The following UBE3D variants were observed in gnomAD, a reference collection of about 807,000 sequenced individuals.
UBE3D encodes ubiquitin protein ligase E3D.
Under a neutral mutation model 49.6 loss-of-function variants are expected in UBE3D, and 48 were observed. The observed-to-expected ratio is 0.97, with a 90% confidence interval of 0.77 to 1.23. The LOEUF (loss-of-function observed/expected upper bound fraction) is 1.23. Among genes scored for constraint, UBE3D ranks in the 50% most tolerant of loss-of-function variants. The pLI is 0.00. For synonymous variants in UBE3D, 189 were observed against 174.2 expected (o/e 1.08, Z -0.67); for missense variants, 452 against 468.4 (o/e 0.96, Z 0.32).
At chr6:83,035,048 G>T (rs1004658807) in intron 5 of UBE3D, among the ~76,000 whole-genome samples, 1 of 151,854 alleles carries the variant, frequency 6.6e-6, no homozygotes, top group African/African-American at 2.4e-5. Context: ...AGACATGGTG[G>T]TATGCACCTG....
intron 4 of UBE3D, among the ~76,000 whole-genome samples, chr6:83,043,864 C>T (rs1371348030): frequency 6.6e-6 from 1 of 152,082 alleles, no homozygotes; most frequent in Non-Finnish European, 1.5e-5. Context: ...TGCCTTCTTC[C>T]CAAAGCAACT....
At chr6:82,923,231 A>G (rs1247653952) in intron 9 of UBE3D, among the ~76,000 whole-genome samples, 1 of 152,242 alleles carries the variant, frequency 6.6e-6, no homozygotes, top group Non-Finnish European at 1.5e-5. Flanking sequence ...AGGATTATAA[A>G]TCATGTTACT....
chr6:83,015,886 G>C (rs1396358744), intron 8 of UBE3D, among the ~76,000 whole-genome samples: 1 of 152,168 alleles, frequency 6.6e-6, no homozygotes, highest in East Asian at 1.9e-4. Context: ...CCACTACTGG[G>C]GGTAGGGAAG....
Position 83,023,987 on chromosome 6 carries a change from C to A in UBE3D, c.719G>T (p.Ser240Ile), listed in dbSNP as rs781097512. ...TEIIIQSSERSFPIIPRSWFV... is the reference protein window; with the variant it reads ...TEIIIQSSERIFPIIPRSWFV... ...TTTGTACCTTGGTATGATAGGAAAA[C>A]TCCTCTCAGATGACTGAATAATTAT... The change falls in exon 6 of 10, where the codon AGT (serine) becomes ATT (isoleucine). Residue 240 changes from serine to isoleucine, a missense_variant. By Grantham distance (142) the Ser-to-Ile change is moderately radical. Transcript: ENST00000369747. 6 of 1,534,246 alleles carry A rather than the reference C, an allele frequency of 3.9e-6. No individual in the cohort carries two copies. In the South Asian group the frequency reaches 8.0e-5, roughly 20 times the overall value.
rs767386438 is a variant in UBE3D at position 83,044,497 on chromosome 6, C to T, written c.528G>A (p.Leu176=). The T allele has an allele frequency of 3.7e-6, 6 of 1,614,106 alleles. No individual in the cohort carries two copies. Among genetic ancestry groups the T allele is most frequent in the Middle Eastern group, 1.6e-4 (1 of 6,062 alleles). The change falls in exon 4 of 10, where the codon TTG becomes TTA. Residue 176 remains leucine, a synonymous_variant. Coordinates refer to ENST00000369747, the MANE Select transcript of UBE3D (RefSeq NM_198920.3). ...SFFLVNLRTS[L]WQQRPELSPV... ...GGGATAGTTCAGGTCTTTGCTGCCA[C>T]AAACTGGTTCTTAAATTCACCAAGA...
chr6:83,011,934 A>C (rs1308459164), intron 8 of UBE3D, among the ~76,000 whole-genome samples: 1 of 152,126 alleles, frequency 6.6e-6, no homozygotes, highest in Non-Finnish European at 1.5e-5. Context: ...TTGGATGCTG[A>C]TTCAGAGCAT....
At chr6:82,975,540 A>G (rs1015728253) in intron 8 of UBE3D, among the ~76,000 whole-genome samples, 2 of 152,190 alleles carry the variant, frequency 1.3e-5, no homozygotes, top group Non-Finnish European at 2.9e-5. Context: ...ATAGCTTACA[A>G]GAAATATATA....
At chr6:82,891,055 GA>G (rs905704128), downstream of UBE3D, among the ~76,000 whole-genome samples, 5 of 150,154 alleles carry the variant, frequency 3.3e-5, no homozygotes, top group South Asian at 8.4e-4. Context: ...ATTCATTTGT[GA>G]AAAAAAAATA....
downstream of UBE3D, among the ~76,000 whole-genome samples, chr6:82,891,706 A>G (rs1419725347): frequency 6.6e-6 from 1 of 152,204 alleles, no homozygotes; most frequent in Non-Finnish European, 1.5e-5. Context: ...ACACCCAATC[A>G]TAAAATGCCA....
rs1211669044 is a variant in UBE3D at position 82,966,033 on chromosome 6, G to A, written c.1011-8583C>T. On this transcript the variant is annotated intron_variant, in intron 8 of 9. Coordinates refer to ENST00000369747, the MANE Select transcript of UBE3D (RefSeq NM_198920.3). Reference sequence around the variant, plus strand: ...AAAAGTAACAATTCTTTCATATCAGGTCTGTAGTTAGTGCTCAAATATCCT... The same window carrying A: ...AAAAGTAACAATTCTTTCATATCAGATCTGTAGTTAGTGCTCAAATATCCT... Among the ~76,000 whole-genome samples the A allele has an allele frequency of 3.3e-5, 5 of 152,074 alleles. No individual in the cohort carries two copies. In the East Asian group the frequency reaches 9.7e-4, roughly 29 times the overall value.
intron 8 of UBE3D, among the ~76,000 whole-genome samples, chr6:82,966,672 A>C (rs1038185461): frequency 6.6e-6 from 1 of 151,228 alleles, no homozygotes; most frequent in Non-Finnish European, 1.5e-5. Flanking sequence ...AAAAAAAAAA[A>C]ACCACTGAAT....
rs532730433 is a variant in UBE3D at position 83,027,209 on chromosome 6, G to A, written c.668-3171C>T. On this transcript the variant is annotated intron_variant, in intron 5 of 9. Transcript: ENST00000369747. Reference sequence around the variant, plus strand: ...TCCCAGCACTTTGGGAGGCTGAGGCGGGAGGATCACAAGGTCAGGAGTTCA... The same window carrying A: ...TCCCAGCACTTTGGGAGGCTGAGGCAGGAGGATCACAAGGTCAGGAGTTCA... 4.0e-5 allele frequency among the ~76,000 whole-genome samples: 6 copies of A among 151,584 alleles called. No homozygotes were observed. The East Asian group carries it at 9.7e-4, about 25-fold the overall frequency.
intron 9 of UBE3D, among the ~76,000 whole-genome samples, chr6:82,946,883 T>A: frequency 6.7e-6 from 1 of 150,068 alleles, no homozygotes; most frequent in African/African-American, 2.4e-5. Flanking sequence ...TTTGCAAACC[T>A]CATGTTAACA....
At chr6:83,017,931 T>C (rs1399471096) in intron 8 of UBE3D, 2 of 152,070 alleles carry the variant, frequency 1.3e-5, no homozygotes, top group Non-Finnish European at 2.9e-5. Flanking sequence ...ATGGAAAGAA[T>C]CTCTAAGACA....
chr6:83,061,332 GTTA>G (rs745666044), intron 1 of UBE3D, among the ~76,000 whole-genome samples: 5 of 152,184 alleles, frequency 3.3e-5, no homozygotes, highest in Non-Finnish European at 1.5e-5. Context: ...GGATTCTTCT[GTTA>G]TTAGGGATAT....
chr6:82,934,916 T>C (rs1376650027), intron 9 of UBE3D, among the ~76,000 whole-genome samples: 1 of 33,574 alleles, frequency 3.0e-5, no homozygotes, highest in African/African-American at 7.8e-5. Context: ...TGAGTGTGTA[T>C]TTACAAATCA....
intron 9 of UBE3D, among the ~76,000 whole-genome samples, chr6:82,911,207 A>AC (rs1772484643): frequency 6.7e-6 from 1 of 149,888 alleles, no homozygotes; most frequent in African/African-American, 2.5e-5. Context: ...AAAAAAAAAA[A>AC]AAAAAAAAAA....
chr6:83,026,771 T>C (rs1781490736), intron 5 of UBE3D, among the ~76,000 whole-genome samples: 1 of 152,020 alleles, frequency 6.6e-6, no homozygotes, highest in African/African-American at 2.4e-5. Context: ...CAGCTCACTG[T>C]ACCTCGAACC....
intron 5 of UBE3D, among the ~76,000 whole-genome samples, chr6:83,026,656 A>G (rs970509234): frequency 6.6e-6 from 1 of 152,092 alleles, no homozygotes; most frequent in South Asian, 2.1e-4. Context: ...ACGCAGGACT[A>G]AACTAAACCT....
Sources: allele counts gnomAD v4.1 joint callset (sites outside exome capture counted in the v4.1 genomes callset), GRCh38; gene constraint gnomAD v4.1.1; transcripts MANE v1.5; gene names NCBI Gene and HGNC (gene_info 2026-07-23, HGNC 2026-07-21).